Variants in SEMA6D observed in about 807,000 individuals in gnomAD.
SEMA6D encodes semaphorin-6D.
In SEMA6D, 35 loss-of-function variants were observed where a neutral mutation model predicts 106.6. The observed-to-expected ratio is 0.33, with a 90% CI of 0.25 to 0.44. The LOEUF is 0.44. Ranked by LOEUF, SEMA6D falls within the 20% of genes least tolerant of loss-of-function variation. The probability of loss-of-function intolerance (pLI) is 1.00; values close to 1 mark genes in which losing one functional copy is unlikely to be tolerated. For missense variants in SEMA6D, 1,185 were observed against 1,345.9 expected (o/e 0.88, Z 1.87); for synonymous variants, 499 against 487.7 (o/e 1.02, Z -0.31).
At chr15:47,748,428 T>C (rs1380060541) in intron 1 of SEMA6D, among the ~76,000 whole-genome samples, 2 of 152,212 alleles carry the variant, frequency 1.3e-5, no homozygotes, top group Non-Finnish European at 2.9e-5. Context: ...AATGATCCTT[T>C]GAGTAGCACA....
At chr15:47,611,185 ACGCATG>A (rs1475659618) in intron 4 of SEMA6D, among the ~76,000 whole-genome samples, 1 of 149,246 alleles carries the variant, frequency 6.7e-6, no homozygotes, top group African/African-American at 2.5e-5. Context: ...ACACACACAC[ACGCATG>A]CACACAAGCA....
At chr15:47,422,439 A>G (rs2041202868) in intron 2 of SEMA6D, among the ~76,000 whole-genome samples, 1 of 151,992 alleles carries the variant, frequency 6.6e-6, no homozygotes, top group Non-Finnish European at 1.5e-5. Context: ...ATGTCATTTA[A>G]ATGGCAAAAA....
chr15:47,723,093 T>C (rs183347712), intron 1 of SEMA6D, among the ~76,000 whole-genome samples: 8 of 152,318 alleles, frequency 5.3e-5, no homozygotes, highest in Admixed American at 5.2e-4. Context: ...TTCCTAATAC[T>C]TCTGACATTT....
At chr15:47,750,020 A>G (rs772709807) in intron 1 of SEMA6D, among the ~76,000 whole-genome samples, 24 of 152,224 alleles carry the variant, frequency 1.6e-4, no homozygotes, top group Non-Finnish European at 3.1e-4. Flanking sequence ...GGATTTGGCA[A>G]TTAGGTGGTT....
intron 1 of SEMA6D, chr15:47,185,700 G>A (rs1239711987): frequency 6.6e-6 from 1 of 152,168 alleles, no homozygotes; most frequent in African/African-American, 2.4e-5. Context: ...TGTGTACCCA[G>A]AATCAGAGGG....
At chr15:47,455,667 A>G (rs1289872943) in intron 2 of SEMA6D, among the ~76,000 whole-genome samples, 1 of 151,976 alleles carries the variant, frequency 6.6e-6, no homozygotes, top group Non-Finnish European at 1.5e-5. Context: ...TTGCCCTTCC[A>G]CATTTCTCAC....
intron 1 of SEMA6D, among the ~76,000 whole-genome samples, chr15:47,746,035 C>T (rs1327134929): frequency 1.3e-5 from 2 of 152,128 alleles, no homozygotes; most frequent in East Asian, 3.9e-4. Context: ...TCTTTCTCTA[C>T]GTTTGTTAGA....
At chr15:47,244,601 C>T (rs780959199) in intron 1 of SEMA6D, among the ~76,000 whole-genome samples, 21 of 152,110 alleles carry the variant, frequency 1.4e-4, no homozygotes, top group Non-Finnish European at 2.8e-4. Flanking sequence ...TAAGTGATGG[C>T]GTCATGTTTA....
At chr15:47,368,871 G>A (rs1415252518) in intron 1 of SEMA6D, among the ~76,000 whole-genome samples, 2 of 152,126 alleles carry the variant, frequency 1.3e-5, no homozygotes, top group Admixed American at 6.5e-5. Context: ...AGATGCAGTC[G>A]TCCTTAGAGA....
At chr15:47,555,759 C>A (rs1279328781) in intron 3 of SEMA6D, among the ~76,000 whole-genome samples, 1 of 152,130 alleles carries the variant, frequency 6.6e-6, no homozygotes, top group African/African-American at 2.4e-5. Flanking sequence ...AAGGTCTACT[C>A]TAAACTAATG....
In SEMA6D at chr15:47,768,741, C is replaced by G; in HGVS notation, c.1926C>G (p.Ile642Met). 1.2e-6 allele frequency: 2 copies of G among 1,612,672 alleles called. No individual in the cohort carries two copies. The highest frequency in any genetic ancestry group is 1.7e-6 in the Non-Finnish European group (2 of 1,179,118). Residue 642 changes from isoleucine to methionine, a missense_variant, in exon 18 of 19, where the codon ATC becomes ATG. By Grantham distance (10) the Ile-to-Met change is conservative. Around this residue, in one of 3 missense-constraint regions of SEMA6D, gnomAD observed 750 missense variants for 783.5 expected, o/e 0.96. Coordinates refer to ENST00000536845, the MANE Select transcript of SEMA6D (RefSeq NM_001358351.3). ...TSDFTDPLSG[I>M]PKGVRWEVQS... is the part of the protein sequence containing the mutation. ...ATTTTACTGATCCTTTATCGGGTAT[C>G]CCAAAGGGTAAGGCCTCAGCAGGGA... is the stretch of plus-strand genomic sequence containing the variant.
chr15:47,574,555 G>A (rs1304197065), intron 3 of SEMA6D, among the ~76,000 whole-genome samples: 2 of 152,122 alleles, frequency 1.3e-5, no homozygotes. Context: ...GCGGAATCTT[G>A]TATGCACAAG....
intron 3 of SEMA6D, among the ~76,000 whole-genome samples, chr15:47,494,665 A>G (rs1355833700): frequency 6.8e-6 from 1 of 147,206 alleles, no homozygotes; most frequent in African/African-American, 2.5e-5. Flanking sequence ...ATTATAATTC[A>G]AAATACTTGA....
intron 1 of SEMA6D, among the ~76,000 whole-genome samples, chr15:47,275,588 G>A (rs534479955): frequency 6.6e-6 from 1 of 152,186 alleles, no homozygotes; most frequent in African/African-American, 2.4e-5. Flanking sequence ...ATCATAACCT[G>A]TGCCCATATT....
At chr15:47,484,618 A>G (rs933547614) in intron 3 of SEMA6D, among the ~76,000 whole-genome samples, 10 of 152,122 alleles carry the variant, frequency 6.6e-5, no homozygotes, top group African/African-American at 2.4e-4. Context: ...CATGAATTTA[A>G]TATTTTATCC....
chr15:47,632,113 G>GT (rs143624330), intron 4 of SEMA6D, among the ~76,000 whole-genome samples: 5 of 151,624 alleles, frequency 3.3e-5, no homozygotes, highest in Admixed American at 3.3e-4. Flanking sequence ...TCTGTTTTTT[G>GT]TTTTTTAGAT....
intron 1 of SEMA6D, among the ~76,000 whole-genome samples, chr15:47,229,782 T>C (rs1435566048): frequency 5.3e-5 from 8 of 152,120 alleles, no homozygotes; most frequent in Admixed American, 5.2e-4. Context: ...CTTTATTCTT[T>C]ATTATGTGTG....
intron 1 of SEMA6D, chr15:47,359,300 T>G (rs1218422718): frequency 6.6e-6 from 1 of 152,208 alleles, no homozygotes; most frequent in Non-Finnish European, 1.5e-5. Context: ...ATTAAATAAT[T>G]GGTCTTAAAT....
At chr15:47,547,000 AAG>A (rs1742364240) in intron 3 of SEMA6D, among the ~76,000 whole-genome samples, 1 of 152,146 alleles carries the variant, frequency 6.6e-6, no homozygotes, top group African/African-American at 2.4e-5. Context: ...CTGCATCAGG[AAG>A]AGTCAGTGGA....
Sources: gnomAD v4.1 joint callset for allele counts (sites outside exome capture counted in the v4.1 genomes callset) on GRCh38, gnomAD v4.1.1 for gene constraint, gnomAD v4.1.1 regional missense constraint, MANE v1.5 for transcripts, NCBI Gene and HGNC (gene_info 2026-07-23, HGNC 2026-07-21) for gene names.